Variants in CLVS1 observed in about 807,000 individuals in gnomAD.
The protein encoded by CLVS1 is clavesin 1.
In CLVS1, 10 loss-of-function variants were observed where a neutral mutation model predicts 33.1. That is an observed-to-expected ratio of 0.30 (90% CI 0.19 to 0.51). CLVS1 has a LOEUF of 0.51. CLVS1 is among the 20% of genes least tolerant of loss of function. The pLI is 0.97. For missense variants in CLVS1, 343 were observed against 433.4 expected, an observed-to-expected ratio of 0.79 and a Z score of 1.85; for synonymous variants, 163 against 166.1, an observed-to-expected ratio of 0.98 and a Z score of 0.14.
rs149931838 is a variant in CLVS1 at position 61,433,669 on chromosome 8, G to A, written c.631-20472G>A. 2.7e-3 allele frequency among the ~76,000 whole-genome samples: 411 copies of A among 152,224 alleles called. 1 individual carries two copies. Among genetic ancestry groups the A allele is most frequent in the African/African-American group, 9.0e-3 (374 of 41,554 alleles). On this transcript the variant is annotated intron_variant, in intron 3 of 5. Transcript: ENST00000325897. ...AGTCAGGTGGGCAAGCTGGGAGGAT[G>A]TGGCCCCTGACCAGGTTTGAAGGGC...
At chr8:61,103,674 G>A (rs1030464916) in intron 1 of CLVS1, among the ~76,000 whole-genome samples, 1 of 152,170 alleles carries the variant, frequency 6.6e-6, no homozygotes, top group African/African-American at 2.4e-5. Context: ...GATTAATGAC[G>A]AATCACTGTT....
the CLVS1 span, among the ~76,000 whole-genome samples, chr8:61,005,737 C>G: frequency 3.3e-5 from 5 of 152,156 alleles, no homozygotes. Flanking sequence ...TAAAATAAAA[C>G]TTCCCAGATG....
In CLVS1 at chr8:61,324,907, G is replaced by T. The variant is rs115808166; in HGVS notation, c.455+24625G>T. Among the ~76,000 whole-genome samples, 357 of 152,160 alleles carry T rather than the reference G, an allele frequency of 2.3e-3. 1 individual carries two copies. The highest frequency in any genetic ancestry group is 8.0e-3 in the African/African-American group (334 of 41,526). On this transcript the variant is annotated intron_variant, in intron 2 of 5. Transcript: ENST00000325897. ...TGTGGACTAAAATGTCAAGCCATCTGCCCATACACCCAACATACCATGGCA... is the reference window on the plus strand; with the variant it reads ...TGTGGACTAAAATGTCAAGCCATCTTCCCATACACCCAACATACCATGGCA...
At chr8:61,405,526 C>T (rs1236040988) in intron 3 of CLVS1, among the ~76,000 whole-genome samples, 2 of 152,110 alleles carry the variant, frequency 1.3e-5, no homozygotes, top group African/African-American at 4.8e-5. Flanking sequence ...GTAATCTCAG[C>T]ACTTTGAGAG....
intron 2 of CLVS1, among the ~76,000 whole-genome samples, chr8:61,352,238 G>A (rs1812500583): frequency 6.6e-6 from 1 of 151,880 alleles, no homozygotes; most frequent in Admixed American, 6.6e-5. Context: ...AATGCCTAGA[G>A]CAATCACTAT....
chr8:61,292,361 C>T (rs761596159), intron 1 of CLVS1: 29 of 456,082 alleles, frequency 6.4e-5, no homozygotes, highest in Non-Finnish European at 1.1e-4. Flanking sequence ...ATTGTCTGTG[C>T]AATCACATCC....
At chr8:61,303,429 A>C (rs1158519661) in intron 2 of CLVS1, among the ~76,000 whole-genome samples, 1 of 152,204 alleles carries the variant, frequency 6.6e-6, no homozygotes, top group African/African-American at 2.4e-5. Flanking sequence ...CTAATGGCTC[A>C]TGAATGTGAA....
rs140599475 is a variant in CLVS1, at chr8:61,212,668, G to C, written c.-152+80808G>C. ...AGGAGCTAAGGTGGTGGTGTCAATGGAGAGAAAAGACAGAGCTAAAATTCC... is the reference window on the plus strand; with the variant it reads ...AGGAGCTAAGGTGGTGGTGTCAATGCAGAGAAAAGACAGAGCTAAAATTCC... On this transcript the variant is annotated intron_variant, in intron 2 of 2. Coordinates refer to the CLVS1 transcript ENST00000522621. Among the ~76,000 whole-genome samples the C allele has an allele frequency of 3.7e-4, 57 of 152,308 alleles. No homozygotes were observed. The Middle Eastern group carries it at 0.01, about 27-fold the overall frequency.
chr8:61,198,982 G>A (rs954442865), intron 2 of CLVS1, among the ~76,000 whole-genome samples: 2 of 152,118 alleles, frequency 1.3e-5, no homozygotes, highest in Non-Finnish European at 1.5e-5. Context: ...CGGGCACTTA[G>A]GTTAATTCTA....
chr8:61,086,126 C>CT (rs997180798), intron 1 of CLVS1, among the ~76,000 whole-genome samples: 1 of 140,972 alleles, frequency 7.1e-6, no homozygotes, highest in African/African-American at 2.7e-5. Context: ...ACTCAGGAGG[C>CT]TGAGGCAGTA....
At chr8:61,462,725 G>A (rs767657086) in intron 5 of CLVS1, among the ~76,000 whole-genome samples, 11 of 152,094 alleles carry the variant, frequency 7.2e-5, no homozygotes, top group Admixed American at 5.2e-4. Flanking sequence ...TCTGTAAACC[G>A]TGCTATAAAC....
intron 2 of CLVS1, among the ~76,000 whole-genome samples, chr8:61,327,069 A>G (rs1811410905): frequency 6.6e-6 from 1 of 152,212 alleles, no homozygotes; most frequent in Non-Finnish European, 1.5e-5. Flanking sequence ...AGATTCACAC[A>G]TATGAATATA....
the CLVS1 span, among the ~76,000 whole-genome samples, chr8:61,005,334 C>G: frequency 1.3e-5 from 2 of 151,098 alleles, no homozygotes; most frequent in African/African-American, 4.9e-5. Context: ...CATATGGGTG[C>G]GAATACGTCA....
At chr8:61,281,276 G>A (rs372849623) in intron 2 of CLVS1, among the ~76,000 whole-genome samples, 1 of 152,212 alleles carries the variant, frequency 6.6e-6, no homozygotes, top group African/African-American at 2.4e-5. Flanking sequence ...GGGGTATTAT[G>A]GACTTAATTA....
upstream of CLVS1, among the ~76,000 whole-genome samples, chr8:61,286,105 A>T (rs1031982182): frequency 6.6e-6 from 1 of 152,008 alleles, no homozygotes; most frequent in Non-Finnish European, 1.5e-5. Context: ...CTGCAGCCCC[A>T]GTGACTTCCC....
intron 2 of CLVS1, among the ~76,000 whole-genome samples, chr8:61,132,816 A>G (rs1806125395): frequency 6.6e-6 from 1 of 152,190 alleles, no homozygotes; most frequent in Non-Finnish European, 1.5e-5. Context: ...AAGTAAAGCA[A>G]CACTACAGGG....
intron 3 of CLVS1, among the ~76,000 whole-genome samples, chr8:61,383,307 C>T (rs990903480): frequency 3.9e-5 from 6 of 152,178 alleles, no homozygotes; most frequent in African/African-American, 1.4e-4. Flanking sequence ...TTTCCCAATG[C>T]CTTTGCAGTG....
chr8:61,217,332 C>T (rs1456524138), intron 2 of CLVS1, among the ~76,000 whole-genome samples: 2 of 152,098 alleles, frequency 1.3e-5, no homozygotes, highest in African/African-American at 2.4e-5. Flanking sequence ...CAGATTGTGA[C>T]TTTTTATTTA....
chr8:61,239,629 G>A (rs1808650446), intron 2 of CLVS1, among the ~76,000 whole-genome samples: 1 of 152,048 alleles, frequency 6.6e-6, no homozygotes, highest in African/African-American at 2.4e-5. Context: ...CCAGCTACTT[G>A]GGAGGCTGGG....
Sources: gnomAD v4.1 joint callset for allele counts (sites outside exome capture counted in the v4.1 genomes callset) on GRCh38, gnomAD v4.1.1 for gene constraint, MANE v1.5 for transcripts, NCBI Gene and HGNC (gene_info 2026-07-23, HGNC 2026-07-21) for gene names.